Variants in PSME3IP1 observed in about 807,000 individuals in gnomAD.
PSME3IP1 encodes the protein proteasome activator subunit 3 interacting protein 1.
PSME3IP1 carries 13 observed loss-of-function variants against 34.1 expected under a neutral mutation model. That is an observed-to-expected ratio of 0.38 (90% CI 0.25 to 0.61). PSME3IP1 has a LOEUF of 0.61. Among genes scored for constraint, PSME3IP1 ranks in the 20% least tolerant of loss-of-function variants. The pLI is 0.60. For synonymous variants in PSME3IP1, 93 were observed against 114.3 expected (o/e 0.81, Z 1.19); for missense variants, 237 against 301.4 (o/e 0.79, Z 1.58).
At chr16:57,174,018 G>C in intron 1 of PSME3IP1, 149 bp from the exon 2 acceptor site, 1 of 788,134 alleles carries the variant, frequency 1.3e-6, no homozygotes, top group Non-Finnish European at 1.9e-6. Context: ...ATTCTCGGCC[G>C]GGTGCGGTGG....
chr16:57,166,166 A>G (rs886984067), intron 5 of PSME3IP1, among the ~76,000 whole-genome samples: 1 of 152,258 alleles, frequency 6.6e-6, no homozygotes, highest in Non-Finnish European at 1.5e-5. Context: ...AGACTGCATC[A>G]ATACACTCCC....
intron 6 of PSME3IP1, among the ~76,000 whole-genome samples, chr16:57,156,864 A>G (rs1431661166): frequency 6.6e-6 from 1 of 152,256 alleles, no homozygotes. Context: ...CAGGGAGTAC[A>G]GAGAAATTTG....
chr16:57,154,267 C>A lies in PSME3IP1; in HGVS notation c.*23G>T, dbSNP rs117761256. The A allele has an allele frequency of 1.2e-6, 2 of 1,604,096 alleles. No homozygotes were observed. The highest frequency in any genetic ancestry group is 2.2e-5 in the East Asian group (1 of 44,828). On this transcript the variant is annotated 3_prime_UTR_variant, in exon 7 of 7. Coordinates refer to ENST00000309137, the MANE Select transcript of PSME3IP1 (RefSeq NM_024946.4). The surrounding 1 kb of genome is among the most constrained non-coding windows in gnomAD (Gnocchi z 4.0). ...GGTCCGATCTACCCTTGGGGAGGAG[C>A]TCCCTGTGTAGGGACGGAGAAACTA...
intron 1 of PSME3IP1, chr16:57,178,882 A>G (rs1301087433): frequency 5.0e-6 from 4 of 798,242 alleles, no homozygotes; most frequent in Admixed American, 6.2e-5. Context: ...AGTACCTGTA[A>G]CTTACTGACC....
intron 1 of PSME3IP1, among the ~76,000 whole-genome samples, chr16:57,179,694 T>C (rs1246237823): frequency 6.6e-5 from 10 of 152,248 alleles, no homozygotes; most frequent in Non-Finnish European, 1.0e-4. Context: ...TAAAATTAAT[T>C]AGATTGTACA....
Position 57,173,839 on chromosome 16 carries a change from C to T in PSME3IP1, c.16G>A (p.Asp6Asn). 1 of 1,613,666 alleles carries T rather than the reference C, an allele frequency of 6.2e-7. No individual in the cohort carries two copies. ...CTCTTTTTGATAATAAGGTTACCAT[C>T]ATCCCCTCCATCCATAATGAAACAA... MDGGD[D>N]GNLIIKKRFV... is the part of the protein sequence containing the mutation. Residue 6 changes from aspartate (D) to asparagine (N), a missense_variant, in exon 2 of 7, where the codon GAT becomes AAT. Transcript: ENST00000309137.
intron 6 of PSME3IP1, among the ~76,000 whole-genome samples, chr16:57,155,800 T>G (rs1355738400): frequency 6.6e-6 from 1 of 151,780 alleles, no homozygotes; most frequent in Non-Finnish European, 1.5e-5. Context: ...AGCAAGACAC[T>G]GCCTCAAAAA....
intron 6 of PSME3IP1, among the ~76,000 whole-genome samples, chr16:57,155,768 T>C (rs1052306221): frequency 6.6e-6 from 1 of 152,020 alleles, no homozygotes; most frequent in Admixed American, 6.6e-5. Flanking sequence ...ATCGCGCTAC[T>C]GCACTCCAGC....
intron 6 of PSME3IP1, among the ~76,000 whole-genome samples, chr16:57,161,696 T>A (rs764610279): frequency 2.0e-5 from 3 of 151,920 alleles, no homozygotes; most frequent in African/African-American, 7.3e-5. Flanking sequence ...GTATTTTTAG[T>A]AGAGACGGGG....
intron 1 of PSME3IP1, among the ~76,000 whole-genome samples, chr16:57,176,894 G>A (rs377616881): frequency 1.5e-4 from 22 of 151,588 alleles, no homozygotes; most frequent in East Asian, 1.4e-3. Context: ...TCGCTCTGCC[G>A]CCCAGGCCGG....
rs1477363332 is a variant in PSME3IP1, at chr16:57,153,120, GTCTA to G, written c.*1166_*1169del. ...CCTACAGATTGTTGTCAAAGCTCAT[GTCTA>G]TCTCTGTCCTCGAGGCCTCCACACC... On this transcript the variant is annotated 3_prime_UTR_variant, in exon 7 of 7. Transcript: ENST00000309137. The G allele has an allele frequency of 2.0e-5, 3 of 152,708 alleles. No homozygotes were observed. The highest frequency in any genetic ancestry group is 4.8e-5 in the African/African-American group (2 of 41,472). The allele number at this position is 152,708 out of a possible 1,614,324, so 9.5% of individuals were successfully genotyped here. A position where few individuals can be genotyped will look rare whatever the true frequency, so the allele number is the denominator to read the frequency against.
intron 4 of PSME3IP1, among the ~76,000 whole-genome samples, chr16:57,171,122 G>A (rs1239674333): frequency 1.3e-5 from 2 of 152,116 alleles, no homozygotes; most frequent in African/African-American, 4.8e-5. Context: ...GGGGTGCTTA[G>A]GGAAGGTTTC....
chr16:57,184,627 A>G (rs76752987), intron 1 of PSME3IP1, among the ~76,000 whole-genome samples: 268 of 152,382 alleles, frequency 1.8e-3, no homozygotes, highest in Middle Eastern at 3.4e-3. Flanking sequence ...CCCTGTACGT[A>G]CATCGCACTT....
chr16:57,172,422 A>G, intron 3 of PSME3IP1, 50 bp from the exon 4 acceptor site: 1 of 1,579,562 alleles, frequency 6.3e-7, no homozygotes, highest in Non-Finnish European at 8.6e-7. Context: ...AGGGAAAAAT[A>G]AGATTTTTCC....
intron 1 of PSME3IP1, chr16:57,181,444 T>C (rs1281823109): frequency 6.6e-6 from 1 of 151,662 alleles, no homozygotes; most frequent in Non-Finnish European, 1.5e-5. Context: ...ATCAACACAG[T>C]ATAATTCTGT....
chr16:57,158,533 AGCCGGGATC>A (rs1256148739), intron 6 of PSME3IP1, among the ~76,000 whole-genome samples: 1 of 152,224 alleles, frequency 6.6e-6, no homozygotes, highest in Non-Finnish European at 1.5e-5. Flanking sequence ...GGTTGCTGTG[AGCCGGGATC>A]GCACCACCCC....
chr16:57,157,892 A>G (rs2070745206), intron 6 of PSME3IP1, among the ~76,000 whole-genome samples: 1 of 152,196 alleles, frequency 6.6e-6, no homozygotes, highest in Non-Finnish European at 1.5e-5. Flanking sequence ...AGTCCCATTT[A>G]TCTCTGTAAC....
rs1280140895 is a variant in PSME3IP1 at position 57,154,581 on chromosome 16, G to A, written c.548-74C>T. On this transcript the variant is annotated intron_variant, in intron 6 of 6. Transcript: ENST00000309137. This position sits in a 1 kb window ranked among gnomAD's most constrained non-coding sequence, Gnocchi z 4.0. ...TGGGGACTGACTTACCATGTGCCAG[G>A]CACTGTACCAAGGGATTTTCCCACA... The A allele has an allele frequency of 7.7e-7, 1 of 1,295,868 alleles. No homozygotes were observed. The highest frequency in any genetic ancestry group is 2.5e-5 in the East Asian group (1 of 39,792). The allele number at this position is 1,295,868 out of a possible 1,614,324, so 80.3% of individuals were successfully genotyped here.
intron 6 of PSME3IP1, among the ~76,000 whole-genome samples, chr16:57,158,076 G>T (rs1597576542): frequency 1.3e-5 from 2 of 152,156 alleles, no homozygotes; most frequent in East Asian, 3.8e-4. Flanking sequence ...ATTCACAAGG[G>T]TCAGAAATCA....
Sources: gnomAD v4.1 joint callset for allele counts (sites outside exome capture counted in the v4.1 genomes callset) on GRCh38, gnomAD v4.1.1 for gene constraint, Gnocchi (gnomAD v3.1) non-coding constraint, MANE v1.5 for transcripts, NCBI Gene and HGNC (gene_info 2026-07-23, HGNC 2026-07-21) for gene names.